The following RFTN2 variants were observed in gnomAD, a reference collection of about 807,000 sequenced individuals.
RFTN2 encodes raftlin-2.
Under a neutral mutation model 52.7 loss-of-function variants are expected in RFTN2, and 34 were observed. The ratio of observed to expected loss-of-function variants is 0.64; its 90% confidence interval spans 0.49 to 0.86. The LOEUF is 0.86. Ranked by LOEUF, RFTN2 falls within the 40% of genes least tolerant of loss-of-function variation. The pLI is 0.00. For missense variants in RFTN2, 536 were observed against 600.1 expected (o/e 0.89, Z 1.12); for synonymous variants, 203 against 217.7 (o/e 0.93, Z 0.59).
intron 1 of RFTN2, among the ~76,000 whole-genome samples, chr2:197,671,933 C>G (rs2089152797): frequency 6.6e-6 from 1 of 152,162 alleles, no homozygotes; most frequent in African/African-American, 2.4e-5. Context: ...CCTTTTGGAT[C>G]ACTTGTAGAG....
At chr2:197,609,204 G>A (rs996258375) in intron 7 of RFTN2, among the ~76,000 whole-genome samples, 2 of 152,096 alleles carry the variant, frequency 1.3e-5, no homozygotes, top group Non-Finnish European at 2.9e-5. Flanking sequence ...TTGAGGAATC[G>A]CCACACTGTC....
At position 197,625,663 on chromosome 2, in the gene RFTN2, TCTCTCCTCTCCTCTCCTCTC is replaced by T. The variant is rs745983424; in HGVS notation, c.928+5328_928+5347del. Among the ~76,000 whole-genome samples the T allele has an allele frequency of 2.3e-3, 107 of 47,410 alleles. 1 individual carries two copies. The highest frequency in any genetic ancestry group is 8.2e-3 in the African/African-American group (92 of 11,252). 31.1% of individuals were successfully genotyped at this position (47,410 alleles called of 152,430 possible). On this transcript the variant is annotated intron_variant, in intron 5 of 8. Transcript: ENST00000295049. ...CTCATAATGAGGGCAAAGAAATTCCTCTCTCCTCTCCTCTCCTCTCCTCTCCTCTCCTCTCCTCTCCTCTC... is the reference window on the plus strand; with the variant it reads ...CTCATAATGAGGGCAAAGAAATTCCTCTCTCCTCTCCTCTCCTCTCCTCTC...
intron 7 of RFTN2, among the ~76,000 whole-genome samples, chr2:197,603,327 C>T (rs1451540611): frequency 6.6e-6 from 1 of 152,012 alleles, no homozygotes; most frequent in Non-Finnish European, 1.5e-5. Context: ...GTACATTTGT[C>T]GATTTTAAAA....
intron 8 of RFTN2, among the ~76,000 whole-genome samples, chr2:197,579,062 G>A (rs2106164974): frequency 6.6e-6 from 1 of 152,246 alleles, no homozygotes; most frequent in Admixed American, 6.5e-5. Context: ...AGATAGAGGA[G>A]ACACATTTTA....
intron 8 of RFTN2, among the ~76,000 whole-genome samples, chr2:197,589,675 C>T (rs985255190): frequency 6.6e-6 from 1 of 152,128 alleles, no homozygotes; most frequent in Admixed American, 6.5e-5. Context: ...TGAGGTGTTC[C>T]AGTCTTTTAA....
intron 3 of RFTN2, among the ~76,000 whole-genome samples, chr2:197,636,601 CTT>C (rs1179848686): frequency 8.2e-6 from 1 of 121,730 alleles, no homozygotes; most frequent in East Asian, 2.2e-4. Context: ...TATCCTGAGA[CTT>C]TGCTGAAGTT....
At chr2:197,599,542 G>A (rs370116201) in intron 7 of RFTN2, among the ~76,000 whole-genome samples, 2 of 152,146 alleles carry the variant, frequency 1.3e-5, no homozygotes, top group Non-Finnish European at 2.9e-5. Flanking sequence ...TCAAAGGCTC[G>A]GTGGGTTGGA....
intron 8 of RFTN2, among the ~76,000 whole-genome samples, chr2:197,594,693 G>A (rs546869057): frequency 6.6e-6 from 1 of 152,282 alleles, no homozygotes; most frequent in African/African-American, 2.4e-5. Context: ...GTGGAGGGTT[G>A]CAGTGCTCAC....
intron 5 of RFTN2, 56 bp from the exon 6 acceptor site, chr2:197,617,977 A>G: frequency 7.2e-7 from 1 of 1,390,504 alleles, no homozygotes; most frequent in Non-Finnish European, 9.5e-7. Context: ...GGCTCATAAA[A>G]CCATCTAAAT....
At chr2:197,620,915 G>A (rs1170846675) in intron 5 of RFTN2, among the ~76,000 whole-genome samples, 3 of 152,178 alleles carry the variant, frequency 2.0e-5, no homozygotes, top group African/African-American at 7.2e-5. Flanking sequence ...GCGGTGAGCC[G>A]AGATCGTGCC....
At chr2:197,606,844 G>A (rs1451303757) in intron 7 of RFTN2, among the ~76,000 whole-genome samples, 1 of 151,512 alleles carries the variant, frequency 6.6e-6, no homozygotes, top group African/African-American at 2.4e-5. Context: ...GTGCTGGAGA[G>A]GATGTGGAGA....
chr2:197,602,116 A>G (rs1050955614), intron 7 of RFTN2, among the ~76,000 whole-genome samples: 1 of 152,096 alleles, frequency 6.6e-6, no homozygotes, highest in Admixed American at 6.5e-5. Flanking sequence ...CCCAGGCTGG[A>G]GTGCAGTGGC....
chr2:197,643,303 G>T (rs2088700683), intron 3 of RFTN2, among the ~76,000 whole-genome samples: 1 of 151,952 alleles, frequency 6.6e-6, no homozygotes, highest in Admixed American at 6.6e-5. Context: ...TGTTGCTTAG[G>T]CTGGTCTTGG....
rs1248802002 is a variant in RFTN2 at position 197,631,204 on chromosome 2, C to A, written c.735G>T (p.Leu245Phe). Residue 245 changes from leucine (L) to phenylalanine (F), a missense_variant, in exon 5 of 9, where the codon TTG becomes TTT. By Grantham distance (22) the Leu-to-Phe change is conservative (BLOSUM62 0). Transcript: ENST00000295049. Reference protein sequence around the residue: ...SRKGEASDNKLYTVFNAFDDD... With the variant: ...SRKGEASDNKFYTVFNAFDDD... Reference sequence around the variant, plus strand: ...CATCAAAAGCATTGAAGACTGTATACAATTTGTTATCTGAGGCTAGGCATT... The same window carrying A: ...CATCAAAAGCATTGAAGACTGTATAAAATTTGTTATCTGAGGCTAGGCATT... The A allele has an allele frequency of 1.2e-6, 2 of 1,610,202 alleles. No individual in the cohort carries two copies.
intron 8 of RFTN2, among the ~76,000 whole-genome samples, chr2:197,580,025 C>A (rs1002918403): frequency 6.6e-6 from 1 of 152,160 alleles, no homozygotes; most frequent in Non-Finnish European, 1.5e-5. Context: ...CGTTTAGGCT[C>A]TTTTTCATCA....
intron 5 of RFTN2, among the ~76,000 whole-genome samples, chr2:197,622,554 C>T (rs1961558): frequency 0.68 from 102,625 of 152,012 alleles, 34,940 homozygotes; most frequent in Middle Eastern, 0.85. Flanking sequence ...GATCCAACCT[C>T]CTCAGCCTCC....
chr2:197,656,763 G>A (rs2088899899), intron 1 of RFTN2, among the ~76,000 whole-genome samples: 1 of 152,056 alleles, frequency 6.6e-6, no homozygotes. Context: ...CTAGATCTTG[G>A]GTCTCTAACT....
rs148112336 is a variant in RFTN2 at position 197,571,207 on chromosome 2, T to G, written c.*801A>C. ...AAAAGACTTCAGTTTCAAATTGAAG[T>G]TGATATTTTTCCTCTTCATAGTATT... On this transcript the variant is annotated 3_prime_UTR_variant, in exon 9 of 9. Transcript: ENST00000295049. 156 of 152,400 alleles carry G rather than the reference T, an allele frequency of 1.0e-3. No individual in the cohort carries two copies. Among genetic ancestry groups the G allele is most frequent in the African/African-American group, 3.5e-3 (145 of 41,584 alleles). 9.4% of individuals were successfully genotyped at this position (152,400 alleles called of 1,614,324 possible). A position where few individuals can be genotyped will look rare whatever the true frequency, so the allele number is the denominator to read the frequency against.
chr2:197,601,341 T>C (rs1055747927), intron 7 of RFTN2, among the ~76,000 whole-genome samples: 3 of 152,234 alleles, frequency 2.0e-5, no homozygotes, highest in African/African-American at 7.2e-5. Flanking sequence ...AGAAGATCTC[T>C]TGGACTAAAC....
Sources: allele counts gnomAD v4.1 joint callset (sites outside exome capture counted in the v4.1 genomes callset), GRCh38; gene constraint gnomAD v4.1.1; transcripts MANE v1.5; gene names NCBI Gene and HGNC (gene_info 2026-07-23, HGNC 2026-07-21).